Variants in MTFR2 observed in about 807,000 individuals in gnomAD.
The protein encoded by MTFR2 is DUF729 domain-containing protein 1.
MTFR2 carries 44 observed loss-of-function variants against 41.2 expected under a neutral mutation model. The ratio of observed to expected loss-of-function variants is 1.07; its 90% confidence interval spans 0.84 to 1.37. The LOEUF (loss-of-function observed/expected upper bound fraction) is 1.37. Among genes scored for constraint, MTFR2 ranks in the 40% most tolerant of loss-of-function variants. The pLI, the probability that MTFR2 is intolerant of heterozygous loss-of-function variation, is 0.00. For missense variants in MTFR2, 452 were observed against 459.5 expected (o/e 0.98, Z 0.15); for synonymous variants, 141 against 154.6 (o/e 0.91, Z 0.65).
intron 6 of MTFR2, among the ~76,000 whole-genome samples, chr6:136,236,627 T>C (rs1051133103): frequency 1.3e-5 from 2 of 152,010 alleles, no homozygotes; most frequent in African/African-American, 4.8e-5. Flanking sequence ...GAGATTCTTC[T>C]CAACAAGCTG....
chr6:136,234,304 CAA>C (rs1192464627), intron 6 of MTFR2, among the ~76,000 whole-genome samples: 11 of 56,350 alleles, frequency 2.0e-4, no homozygotes, highest in Admixed American at 4.1e-4. Flanking sequence ...CACCCTGTCT[CAA>C]AAAAAAAAAA....
chr6:136,247,592 G>A (rs1448618661), intron 2 of MTFR2: 9 of 449,370 alleles, frequency 2.0e-5, no homozygotes, highest in Non-Finnish European at 2.7e-5. Context: ...TCCATCCTGC[G>A]GCCCCTTCAG....
rs367584878 is a variant in MTFR2, at chr6:136,231,296, G to A, written c.1137C>T (p.Ser379=). 2 of 1,611,298 alleles carry A rather than the reference G, an allele frequency of 1.2e-6. No individual in the cohort carries two copies. The highest frequency in any genetic ancestry group is 1.1e-5 in the South Asian group (1 of 90,746). ...KAVDQGISNT[S]LLNSRI ...GAGTTTAAATCCTTGAGTTTAGAAG[G>A]CTTGTGTTGCTGATACCTTGGTCAA... The change falls in exon 8 of 8, where the codon AGC becomes AGT. Residue 379 remains serine (S), a synonymous_variant. Transcript: ENST00000420702.
In MTFR2 at chr6:136,239,804, A is replaced by G; in HGVS notation, c.531T>C (p.Ser177=). The G allele has an allele frequency of 6.2e-7, 1 of 1,606,888 alleles. No individual in the cohort carries two copies. The highest frequency in any genetic ancestry group is 1.1e-5 in the South Asian group (1 of 90,232). ...GCTGACCCAAACTAATGCGCTCGTCACTCAAGCCAAAGGAACCTACAAACA... is the reference window on the plus strand; with the variant it reads ...GCTGACCCAAACTAATGCGCTCGTCGCTCAAGCCAAAGGAACCTACAAACA... ...NSTNSSSFGL[S]DERISLGQLS... is the part of the protein sequence containing the mutation. The change falls in exon 6 of 8, where the codon AGT becomes AGC. Residue 177 remains serine, a synonymous_variant. Coordinates refer to ENST00000420702, the MANE Select transcript of MTFR2 (RefSeq NM_001099286.3).
At chr6:136,246,851 G>C (rs1780224575) in intron 2 of MTFR2, among the ~76,000 whole-genome samples, 1 of 151,966 alleles carries the variant, frequency 6.6e-6, no homozygotes, top group Non-Finnish European at 1.5e-5. Flanking sequence ...ACTTCAGCTG[G>C]GTTCTCACAG....
intron 6 of MTFR2, among the ~76,000 whole-genome samples, chr6:136,239,029 C>T (rs1779978445): frequency 6.6e-6 from 1 of 152,212 alleles, no homozygotes. Flanking sequence ...AATTTCAACA[C>T]TGCCCTACAG....
intron 5 of MTFR2, among the ~76,000 whole-genome samples, chr6:136,240,935 C>CA (rs771297891): frequency 1.6e-4 from 24 of 152,160 alleles, no homozygotes; most frequent in East Asian, 3.9e-4. Context: ...ACTAAAAATA[C>CA]AAAAAATTAG....
intron 3 of MTFR2, among the ~76,000 whole-genome samples, 160 bp from the exon 4 acceptor site, chr6:136,243,133 A>G: frequency 6.6e-6 from 1 of 152,236 alleles, no homozygotes; most frequent in East Asian, 1.9e-4. Context: ...AACACTGGGG[A>G]AAATGTTATG....
chr6:136,244,962 ACGC>A, intron 2 of MTFR2, 93 bp from the exon 3 acceptor site: 1 of 894,678 alleles, frequency 1.1e-6, no homozygotes, highest in African/African-American at 1.9e-5. Context: ...GACAAAAAAG[ACGC>A]AGTGGCATTT....
intron 7 of MTFR2, chr6:136,233,097 A>C (rs951258778): frequency 4.8e-5 from 18 of 371,468 alleles, no homozygotes; most frequent in Non-Finnish European, 9.9e-6. Flanking sequence ...ATGCACAAAT[A>C]TTTTTCAAAT....
At chr6:136,247,400 T>C (rs538635335) in intron 2 of MTFR2, 150 of 408,478 alleles carry the variant, frequency 3.7e-4, no homozygotes, top group African/African-American at 3.0e-3. Flanking sequence ...TTCTGTTCTT[T>C]AAGGCAGGAC....
chr6:136,240,961 G>C (rs780242606), intron 5 of MTFR2, among the ~76,000 whole-genome samples: 3 of 152,098 alleles, frequency 2.0e-5, no homozygotes, highest in Non-Finnish European at 2.9e-5. Flanking sequence ...CGTGGTGGCG[G>C]GCGCCTGTAG....
chr6:136,232,100 G>A lies in MTFR2; in HGVS notation c.1045-712C>T, dbSNP rs116769529. Among the ~76,000 whole-genome samples, 698 of 152,238 alleles carry A rather than the reference G, an allele frequency of 4.6e-3. 6 individuals carry two copies. Among genetic ancestry groups the A allele is most frequent in the African/African-American group, 0.016 (666 of 41,532 alleles). On this transcript the variant is annotated intron_variant, in intron 7 of 7. Transcript: ENST00000420702. ...ATTTTTATAGTAATAGTTCTAAAGT[G>A]TCTTCTTAAATAGTTAAAAGAATAT...
intron 6 of MTFR2, among the ~76,000 whole-genome samples, chr6:136,238,157 T>C (rs1779955880): frequency 6.6e-6 from 1 of 152,226 alleles, no homozygotes; most frequent in Non-Finnish European, 1.5e-5. Context: ...TGCAGTGCTA[T>C]TTACAATAGA....
At position 136,231,335 on chromosome 6, in the gene MTFR2, G is replaced by A; in HGVS notation, c.1098C>T (p.Val366=). Residue 366 remains valine (V), a synonymous_variant, in exon 8 of 8, where the codon GTC becomes GTT. Coordinates refer to ENST00000420702, the MANE Select transcript of MTFR2 (RefSeq NM_001099286.3). ...TACCTTGGTCAACAGCTTTTGTGTT[G>A]ACCATTTCTTCTTTAGTTCGCTGTC... ...SEGQRTKEEM[V]NTKAVDQGIS... is the part of the protein sequence containing the mutation. 1 of 1,612,578 alleles carries A rather than the reference G, an allele frequency of 6.2e-7. No homozygotes were observed. Among genetic ancestry groups the A allele is most frequent in the South Asian group, 1.1e-5 (1 of 90,858 alleles).
At chr6:136,249,579 C>A (rs1008293935) in intron 1 of MTFR2, among the ~76,000 whole-genome samples, 1 of 152,156 alleles carries the variant, frequency 6.6e-6, no homozygotes, top group African/African-American at 2.4e-5. Context: ...TAGCTCTTCT[C>A]ACACACATAT....
Position 136,233,426 on chromosome 6 carries a change from G to A in MTFR2, c.943C>T (p.His315Tyr), listed in dbSNP as rs373149169. The A allele has an allele frequency of 2.5e-6, 4 of 1,605,856 alleles. No individual in the cohort carries two copies. Among genetic ancestry groups the A allele is most frequent in the African/African-American group, 1.3e-5 (1 of 74,812 alleles). ...AATGCAAATTTCTGTTTAAGTGCAT[G>A]AGATATTAAAGAAACTGGATCCCAA... ...SHWDPVSLISHALKQKFAFQE... is the reference protein window; with the variant it reads ...SHWDPVSLISYALKQKFAFQE... The change falls in exon 7 of 8, where the codon CAT becomes TAT. Residue 315 changes from histidine to tyrosine, a missense_variant. Transcript: ENST00000420702.
At chr6:136,247,970 C>T (rs1780256867) in intron 2 of MTFR2, among the ~76,000 whole-genome samples, 1 of 152,162 alleles carries the variant, frequency 6.6e-6, no homozygotes, top group East Asian at 1.9e-4. Flanking sequence ...TATGTTCTAA[C>T]ATCACCTCTG....
At chr6:136,245,784 T>G (rs1780198037) in intron 2 of MTFR2, among the ~76,000 whole-genome samples, 1 of 152,206 alleles carries the variant, frequency 6.6e-6, no homozygotes, top group Admixed American at 6.5e-5. Context: ...TTTTGGAGCA[T>G]TTCAGATTTC....
Sources: allele counts gnomAD v4.1 joint callset (sites outside exome capture counted in the v4.1 genomes callset), GRCh38; gene constraint gnomAD v4.1.1; transcripts MANE v1.5; gene names NCBI Gene and HGNC (gene_info 2026-07-23, HGNC 2026-07-21).